The following CSMD1 variants were observed in gnomAD, a reference collection of about 807,000 sequenced individuals.
CSMD1 encodes the protein CUB and sushi domain-containing protein 1.
CSMD1 carries 213 observed loss-of-function variants against 417.5 expected under a neutral mutation model. The observed-to-expected ratio is 0.51, with a 90% CI of 0.46 to 0.57. The LOEUF is 0.57. CSMD1 is among the 20% of genes least tolerant of loss of function. CSMD1 has a pLI of 0.00. For missense variants in CSMD1, 6,923 were observed against 4,529.7 expected (o/e 1.53, Z -15.17); for synonymous variants, 2,862 against 1,736.8 (o/e 1.65, Z -16.11).
At chr8:3,665,805 A>C (rs921080404) in intron 7 of CSMD1, among the ~76,000 whole-genome samples, 1 of 152,182 alleles carries the variant, frequency 6.6e-6, no homozygotes, top group Non-Finnish European at 1.5e-5. Context: ...GAGCACCCCT[A>C]GGAATCTCTT....
intron 25 of CSMD1, among the ~76,000 whole-genome samples, chr8:3,286,593 T>A (rs1422314674): frequency 3.3e-5 from 5 of 152,110 alleles, no homozygotes; most frequent in African/African-American, 1.2e-4. Context: ...ATGAGCATTT[T>A]TTCATATGTT....
chr8:3,669,866 A>C (rs919979062), intron 7 of CSMD1, among the ~76,000 whole-genome samples: 1 of 152,178 alleles, frequency 6.6e-6, no homozygotes, highest in African/African-American at 2.4e-5. Flanking sequence ...GGAGGGGCCC[A>C]GGTGATGATC....
At chr8:4,445,215 CTTCA>C (rs1430543219) in intron 2 of CSMD1, among the ~76,000 whole-genome samples, 2 of 152,058 alleles carry the variant, frequency 1.3e-5, no homozygotes, top group Non-Finnish European at 2.9e-5. Context: ...AGACTACTTT[CTTCA>C]TTGTTTGACC....
At chr8:3,562,655 T>G (rs538574380) in intron 10 of CSMD1, among the ~76,000 whole-genome samples, 41 of 152,188 alleles carry the variant, frequency 2.7e-4, no homozygotes, top group African/African-American at 8.4e-4. Flanking sequence ...GTGAAACAAT[T>G]TATCCACTGG....
At position 4,262,553 on chromosome 8, in the gene CSMD1, A is replaced by G. The variant is rs148747268; in HGVS notation, c.415+157400T>C. 5.4e-3 allele frequency among the ~76,000 whole-genome samples: 825 copies of G among 152,232 alleles called. 6 individuals carry two copies. Among genetic ancestry groups the G allele is most frequent in the African/African-American group, 0.019 (788 of 41,538 alleles). ...CCTTTATGAGGATCATGCATTTGAA[A>G]TGCTCGGGACACACACGGAGGAAAC... On this transcript the variant is annotated intron_variant, in intron 3 of 69. Transcript: ENST00000635120.
chr8:4,000,347 A>C (rs1563303367), intron 4 of CSMD1, among the ~76,000 whole-genome samples: 1 of 152,256 alleles, frequency 6.6e-6, no homozygotes, highest in Non-Finnish European at 1.5e-5. Flanking sequence ...GGGAAGAGCT[A>C]CTGGGAATGT....
At chr8:4,086,412 A>T (rs993260145) in intron 3 of CSMD1, among the ~76,000 whole-genome samples, 1 of 152,176 alleles carries the variant, frequency 6.6e-6, no homozygotes, top group African/African-American at 2.4e-5. Flanking sequence ...CTTGTAAATC[A>T]TTTTGAAAAT....
At chr8:4,525,714 G>A (rs1426317074) in intron 2 of CSMD1, among the ~76,000 whole-genome samples, 1 of 152,134 alleles carries the variant, frequency 6.6e-6, no homozygotes, top group African/African-American at 2.4e-5. Flanking sequence ...AGCTAGGGAT[G>A]GTCAGGTGTC....
chr8:4,530,225 T>G lies in CSMD1; in HGVS notation c.302+107117A>C, dbSNP rs532326571. 2.6e-5 allele frequency among the ~76,000 whole-genome samples: 4 copies of G among 151,788 alleles called. No homozygotes were observed. In the South Asian group the frequency reaches 8.3e-4, roughly 32 times the overall value. On this transcript the variant is annotated intron_variant, in intron 2 of 69. Transcript: ENST00000635120. ...ACCGCGCCAGGCCTGCCATTGTTAT[T>G]TGTGACTGCATACCATGCTCCATTT...
chr8:4,396,809 A>G (rs972813964), intron 3 of CSMD1, among the ~76,000 whole-genome samples: 1 of 152,146 alleles, frequency 6.6e-6, no homozygotes, highest in African/African-American at 2.4e-5. Context: ...GTTCTCACTT[A>G]TAAGAAGTGG....
chr8:3,359,426 T>TAAAAA (rs34858861), intron 20 of CSMD1, 86 bp from the exon 21 acceptor site: 4 of 515,156 alleles, frequency 7.8e-6, no homozygotes, highest in African/African-American at 2.3e-5. Flanking sequence ...GTGCTATTAC[T>TAAAAA]AAAAAAAAAA....
chr8:3,972,943 A>T (rs181047158), intron 5 of CSMD1, among the ~76,000 whole-genome samples: 1 of 152,368 alleles, frequency 6.6e-6, no homozygotes, highest in Admixed American at 6.5e-5. Flanking sequence ...GAAGGAAATA[A>T]AATGAAATAA....
chr8:4,205,836 A>G (rs1184363333), intron 3 of CSMD1, among the ~76,000 whole-genome samples: 3 of 152,170 alleles, frequency 2.0e-5, no homozygotes, highest in African/African-American at 4.8e-5. Flanking sequence ...CCATTAACAT[A>G]TGAGTACAAA....
intron 1 of CSMD1, among the ~76,000 whole-genome samples, chr8:4,772,521 A>G (rs1388768710): frequency 6.6e-6 from 1 of 152,198 alleles, no homozygotes; most frequent in East Asian, 1.9e-4. Flanking sequence ...GTATTACAGC[A>G]TGGATATTTT....
chr8:4,504,260 A>G lies in CSMD1; in HGVS notation c.303-84195T>C, dbSNP rs1480888242. Among the ~76,000 whole-genome samples, 6 of 152,202 alleles carry G rather than the reference A, an allele frequency of 3.9e-5. No homozygotes were observed. In the East Asian group the frequency reaches 7.7e-4, roughly 20 times the overall value. ...TCAAATACCGTAGGATTCCATTTCC[A>G]TGGGGAATCTACAATGCACAGAAGC... On this transcript the variant is annotated intron_variant, in intron 2 of 69. Coordinates refer to ENST00000635120, the MANE Select transcript of CSMD1 (RefSeq NM_033225.6).
intron 26 of CSMD1, among the ~76,000 whole-genome samples, chr8:3,243,849 T>C (rs1285142661): frequency 6.6e-6 from 1 of 151,972 alleles, no homozygotes; most frequent in Non-Finnish European, 1.5e-5. Context: ...AGTTTTGTTA[T>C]TTTCCTTTTT....
chr8:4,524,244 A>G (rs1309563515), intron 2 of CSMD1, among the ~76,000 whole-genome samples: 1 of 150,782 alleles, frequency 6.6e-6, no homozygotes, highest in Non-Finnish European at 1.5e-5. Flanking sequence ...AAGAATGAAG[A>G]CAACACTCAA....
chr8:3,726,199 C>G (rs193093382), intron 6 of CSMD1, among the ~76,000 whole-genome samples: 1 of 152,112 alleles, frequency 6.6e-6, no homozygotes, highest in African/African-American at 2.4e-5. Flanking sequence ...ACTCAGCCTC[C>G]GTTGCCTGCA....
intron 1 of CSMD1, among the ~76,000 whole-genome samples, chr8:4,854,752 CG>C (rs1158988047): frequency 9.9e-5 from 15 of 152,166 alleles, no homozygotes; most frequent in African/African-American, 3.4e-4. Flanking sequence ...ACACCTGGCT[CG>C]GAGGGTCCTA....
Sources: allele counts gnomAD v4.1 joint callset (sites outside exome capture counted in the v4.1 genomes callset), GRCh38; gene constraint gnomAD v4.1.1; transcripts MANE v1.5; gene names NCBI Gene and HGNC (gene_info 2026-07-23, HGNC 2026-07-21).